CARMIL1: variants seen among roughly 807,000 people sequenced by gnomAD.
CARMIL1 encodes capping protein regulator and myosin 1 linker 1.
A neutral mutation model predicts 177.1 loss-of-function variants in CARMIL1; 90 were observed. That is an observed-to-expected ratio of 0.51 (90% CI 0.43 to 0.61). The LOEUF (loss-of-function observed/expected upper bound fraction) is 0.61. Ranked by LOEUF, CARMIL1 falls within the 20% of genes least tolerant of loss-of-function variation. The pLI is 0.00. For synonymous variants in CARMIL1, 577 were observed against 606.2 expected (o/e 0.95, Z 0.71); for missense variants, 1,380 against 1,667.0 (o/e 0.83, Z 3.00).
chr6:25,411,545 ACC>A (rs1164692879), intron 2 of CARMIL1, among the ~76,000 whole-genome samples: 1 of 152,164 alleles, frequency 6.6e-6, no homozygotes, highest in Non-Finnish European at 1.5e-5. Context: ...CCCTGTGTTC[ACC>A]TGTGGGCGAA....
rs1391007103 is a variant in CARMIL1, at chr6:25,435,718, TCTC to T, written c.371+118_371+120del. On this transcript the variant is annotated intron_variant, in intron 5 of 36. Coordinates refer to ENST00000329474, the MANE Select transcript of CARMIL1 (RefSeq NM_017640.6). ...ACTTAGTTCCTCTCTCAGACTTCCT[TCTC>T]CTCTTAAATATTAAATATCAAAACC... The T allele has an allele frequency of 9.0e-6, 11 of 1,227,674 alleles. No individual in the cohort carries two copies. In the African/African-American group the frequency reaches 1.5e-4, roughly 17 times the overall value. The allele number at this position is 1,227,674 out of a possible 1,614,324, so 76.0% of individuals were successfully genotyped here. A position where few individuals can be genotyped will look rare whatever the true frequency, so the allele number is the denominator to read the frequency against.
At chr6:25,405,676 TTCCTC>T (rs2150601998) in intron 2 of CARMIL1, among the ~76,000 whole-genome samples, 1 of 152,338 alleles carries the variant, frequency 6.6e-6, no homozygotes, top group Admixed American at 6.5e-5. Context: ...TTCTATGCCT[TTCCTC>T]TACTAGGCTA....
intron 24 of CARMIL1, 85 bp from the exon 25 acceptor site, chr6:25,537,770 T>C: frequency 6.6e-7 from 1 of 1,519,522 alleles, no homozygotes; most frequent in Admixed American, 2.1e-5. Context: ...TGAAGTTTTT[T>C]TCATACTCCT....
intron 11 of CARMIL1, among the ~76,000 whole-genome samples, chr6:25,474,727 A>T (rs1306863838): frequency 6.6e-6 from 1 of 152,286 alleles, no homozygotes; most frequent in Non-Finnish European, 1.5e-5. Context: ...TCTCTATTAG[A>T]TACTACAGAG....
intron 2 of CARMIL1, among the ~76,000 whole-genome samples, chr6:25,345,438 G>A (rs150950853): frequency 9.9e-5 from 15 of 152,102 alleles, no homozygotes; most frequent in African/African-American, 3.6e-4. Flanking sequence ...TCTCTCTCTT[G>A]AACTCCAGAC....
chr6:25,448,683 G>C (rs1422932894), intron 5 of CARMIL1, among the ~76,000 whole-genome samples: 2 of 152,124 alleles, frequency 1.3e-5, no homozygotes, highest in East Asian at 3.8e-4. Flanking sequence ...CTGGTTATTC[G>C]TCTGTTTCTC....
At position 25,287,002 on chromosome 6, in the gene CARMIL1, C is replaced by T. The variant is rs772850339; in HGVS notation, c.138+2093C>T. Among the ~76,000 whole-genome samples, 17 of 152,200 alleles carry T rather than the reference C, an allele frequency of 1.1e-4. No homozygotes were observed. In the South Asian group the frequency reaches 1.2e-3, roughly 11 times the overall value. On this transcript the variant is annotated intron_variant, in intron 2 of 36. Coordinates refer to ENST00000329474, the MANE Select transcript of CARMIL1 (RefSeq NM_017640.6). ...TCTAAGCAGTTTCTAGAAGCATGGC[C>T]GGAACTCATTGTGGCTGTTACTTAC...
In CARMIL1 at chr6:25,538,983, G is replaced by A. The variant is rs114789200; in HGVS notation, c.2197-964G>A. ...CTTTTGGGTTGATGAACTCATCAAC[G>A]TGCTGGGAGGGCTGTATACCTGCAG... On this transcript the variant is annotated intron_variant, in intron 25 of 36. Coordinates refer to ENST00000329474, the MANE Select transcript of CARMIL1 (RefSeq NM_017640.6). Among the ~76,000 whole-genome samples, 1,029 of 152,076 alleles carry A rather than the reference G, an allele frequency of 6.8e-3. 8 individuals are homozygous for A. The highest frequency in any genetic ancestry group is 0.031 in the Middle Eastern group (9 of 294).
intron 9 of CARMIL1, among the ~76,000 whole-genome samples, chr6:25,466,962 C>T (rs1292643720): frequency 6.6e-6 from 1 of 152,220 alleles, no homozygotes; most frequent in Non-Finnish European, 1.5e-5. Flanking sequence ...AGGGCCTCAG[C>T]TTCCTGCACA....
At chr6:25,301,625 G>T (rs1782865722) in intron 2 of CARMIL1, among the ~76,000 whole-genome samples, 1 of 152,180 alleles carries the variant, frequency 6.6e-6, no homozygotes. Context: ...CAGATGGGTT[G>T]CAGGTGGGTT....
At chr6:25,324,120 T>C (rs961209322) in intron 2 of CARMIL1, among the ~76,000 whole-genome samples, 2 of 152,202 alleles carry the variant, frequency 1.3e-5, no homozygotes, top group Non-Finnish European at 2.9e-5. Flanking sequence ...TAACCCTGTT[T>C]AATGCCCCAC....
chr6:25,595,725 A>G (rs1814772427), intron 32 of CARMIL1, among the ~76,000 whole-genome samples: 1 of 152,136 alleles, frequency 6.6e-6, no homozygotes. Context: ...TAATTTTTTT[A>G]TAACTGAAGG....
At chr6:25,569,519 C>T (rs1217657271) in intron 29 of CARMIL1, among the ~76,000 whole-genome samples, 1 of 152,172 alleles carries the variant, frequency 6.6e-6, no homozygotes, top group African/African-American at 2.4e-5. Flanking sequence ...CCAAAATCAC[C>T]CTCCACTCTT....
At chr6:25,407,561 T>C (rs1220030809) in intron 2 of CARMIL1, among the ~76,000 whole-genome samples, 1 of 152,082 alleles carries the variant, frequency 6.6e-6, no homozygotes, top group African/African-American at 2.4e-5. Context: ...TCTTCCCAGA[T>C]GAAGGGAACG....
At chr6:25,391,026 TGTTTTCAA>T (rs1307602271) in intron 2 of CARMIL1, among the ~76,000 whole-genome samples, 4 of 152,254 alleles carry the variant, frequency 2.6e-5, no homozygotes, top group African/African-American at 9.6e-5. Context: ...AATATTTGTG[TGTTTTCAA>T]GCTTGTGAAA....
intron 1 of CARMIL1, among the ~76,000 whole-genome samples, chr6:25,281,146 A>G (rs571669181): frequency 0.026 from 3,505 of 136,996 alleles, 114 homozygotes; most frequent in East Asian, 0.085. Flanking sequence ...GCACACACAC[A>G]CACACACACA....
Position 25,604,873 on chromosome 6 carries a change from G to A in CARMIL1, c.3614G>A (p.Arg1205Gln), listed in dbSNP as rs748948829. The change falls in exon 34 of 37, where the codon CGG (arginine) becomes CAG (glutamine). Residue 1205 changes from arginine to glutamine, a missense_variant. Transcript: ENST00000329474. ...SSSPALSGVE[R>Q]SDGGGAVPKL... ...AGCCCAGCTTTGAGCGGCGTAGAAC[G>A]GTCGGATGGAGGTGGGGCAGGTAAG... is the stretch of plus-strand genomic sequence containing the variant. 1.1e-5 allele frequency: 17 copies of A among 1,595,808 alleles called. No homozygotes were observed. The highest frequency in any genetic ancestry group is 1.0e-4 in the South Asian group (9 of 87,452).
At chr6:25,297,953 T>C (rs1038893288) in intron 2 of CARMIL1, among the ~76,000 whole-genome samples, 1 of 152,240 alleles carries the variant, frequency 6.6e-6, no homozygotes, top group African/African-American at 2.4e-5. Flanking sequence ...CCTCCCATTT[T>C]CTGTGTTAAT....
At chr6:25,355,530 G>A (rs1285191554) in intron 2 of CARMIL1, among the ~76,000 whole-genome samples, 2 of 152,094 alleles carry the variant, frequency 1.3e-5, no homozygotes, top group East Asian at 1.9e-4. Context: ...CTGCTACTGC[G>A]TAGCAGTCCA....
Sources: gnomAD v4.1 joint callset for allele counts (sites outside exome capture counted in the v4.1 genomes callset) on GRCh38, gnomAD v4.1.1 for gene constraint, MANE v1.5 for transcripts, NCBI Gene and HGNC (gene_info 2026-07-23, HGNC 2026-07-21) for gene names.